Variants in CNTNAP2 observed in about 807,000 individuals in gnomAD.
CNTNAP2 encodes contactin-associated protein-like 2.
In CNTNAP2, 98 loss-of-function variants were observed where a neutral mutation model predicts 155.2. The ratio of observed to expected loss-of-function variants is 0.63; its 90% CI spans 0.54 to 0.75. The LOEUF (loss-of-function observed/expected upper bound fraction) is 0.75, where lower values mean the gene tolerates loss of function less well. Ranked by LOEUF, CNTNAP2 falls within the 30% of genes least tolerant of loss-of-function variation. CNTNAP2 has a pLI of 0.00. For synonymous variants in CNTNAP2, 651 were observed against 631.2 expected (o/e 1.03, Z -0.47); for missense variants, 1,727 against 1,688.1 (o/e 1.02, Z -0.40).
chr7:147,110,266 A>G lies in CNTNAP2; in HGVS notation c.754+1916A>G, dbSNP rs1220152702. 5.3e-5 allele frequency among the ~76,000 whole-genome samples: 8 copies of G among 152,112 alleles called. 1 individual carries two copies. The South Asian group carries it at 8.3e-4, about 16-fold the overall frequency. ...AAGACCAATGTATGTTTGTATGTTGATGATGTAGCTAGGATTTACTTAAAG... is the reference window on the plus strand; with the variant it reads ...AAGACCAATGTATGTTTGTATGTTGGTGATGTAGCTAGGATTTACTTAAAG... On this transcript the variant is annotated intron_variant, in intron 5 of 23. Transcript: ENST00000361727.
chr7:146,309,474 A>G (rs1800780753), intron 1 of CNTNAP2, among the ~76,000 whole-genome samples: 1 of 152,070 alleles, frequency 6.6e-6, no homozygotes, highest in South Asian at 2.1e-4. Context: ...GCCTTCTCAT[A>G]TTCACACTAA....
intron 1 of CNTNAP2, among the ~76,000 whole-genome samples, chr7:146,338,078 G>T (rs1469507625): frequency 6.6e-6 from 1 of 152,172 alleles, no homozygotes; most frequent in African/African-American, 2.4e-5. Context: ...AGATGAGAGA[G>T]AGGAGAGAGG....
intron 1 of CNTNAP2, among the ~76,000 whole-genome samples, chr7:146,760,409 C>CTTTTTTTTTTTTTTTGTT (rs1802074596): frequency 1.8e-5 from 1 of 56,276 alleles, no homozygotes; most frequent in Non-Finnish European, 3.0e-5. Flanking sequence ...TCCAATTTAC[C>CTTTTTTTTTTTTTTTGTT]TTTTTTTTTT....
chr7:148,119,829 A>G (rs1289957348), intron 16 of CNTNAP2, among the ~76,000 whole-genome samples: 2 of 152,084 alleles, frequency 1.3e-5, no homozygotes, highest in East Asian at 3.9e-4. Flanking sequence ...TGTAATTATC[A>G]TCTTCTGAGG....
rs1337751529 is a variant in CNTNAP2 at position 146,934,440 on chromosome 7, G to T, written c.402+94536G>T. Among the ~76,000 whole-genome samples the T allele has an allele frequency of 2.8e-4, 36 of 129,214 alleles. No individual in the cohort carries two copies. In the Middle Eastern group the frequency reaches 0.018, roughly 63 times the overall value. 84.8% of individuals were successfully genotyped at this position (129,214 alleles called of 152,430 possible). A position where few individuals can be genotyped will look rare whatever the true frequency, so the allele number is the denominator to read the frequency against. On this transcript the variant is annotated intron_variant, in intron 3 of 23. Transcript: ENST00000361727. Reference sequence around the variant, plus strand: ...GGACCATCACACTCCGTGGCCTGTTGTGGGGTGGGGGGAGGGGGAAGGGGG... The same window carrying T: ...GGACCATCACACTCCGTGGCCTGTTTTGGGGTGGGGGGAGGGGGAAGGGGG...
At chr7:146,960,530 C>G (rs369697187) in intron 3 of CNTNAP2, among the ~76,000 whole-genome samples, 57 of 152,250 alleles carry the variant, frequency 3.7e-4, no homozygotes, top group Middle Eastern at 3.4e-3. Context: ...AAAAATTACT[C>G]TTTCTCCTGC....
At chr7:146,431,175 A>G (rs1796168203) in intron 1 of CNTNAP2, among the ~76,000 whole-genome samples, 1 of 152,008 alleles carries the variant, frequency 6.6e-6, no homozygotes, top group Non-Finnish European at 1.5e-5. Flanking sequence ...CAGGTAATAC[A>G]TATATTCTAG....
At chr7:147,406,641 T>C (rs1374564788) in intron 10 of CNTNAP2, among the ~76,000 whole-genome samples, 2 of 152,196 alleles carry the variant, frequency 1.3e-5, no homozygotes, top group African/African-American at 4.8e-5. Flanking sequence ...TATGAATTCA[T>C]TGAGGAATAT....
chr7:148,285,290 G>T (rs1233297921), intron 21 of CNTNAP2, among the ~76,000 whole-genome samples: 1 of 152,196 alleles, frequency 6.6e-6, no homozygotes, highest in Non-Finnish European at 1.5e-5. Flanking sequence ...TCTTCTAAAA[G>T]AAGTGTTTAA....
chr7:147,490,067 A>T (rs1348756472), intron 11 of CNTNAP2, among the ~76,000 whole-genome samples: 3 of 152,250 alleles, frequency 2.0e-5, no homozygotes, highest in African/African-American at 7.2e-5. Flanking sequence ...AAGCAATGTT[A>T]GCCTTGGAAA....
chr7:147,335,343 G>C (rs1795646678), intron 9 of CNTNAP2, among the ~76,000 whole-genome samples: 1 of 152,152 alleles, frequency 6.6e-6, no homozygotes, highest in Non-Finnish European at 1.5e-5. Flanking sequence ...TGCAAATAAA[G>C]AGAATAGCCT....
chr7:146,709,904 G>A (rs1801034000), intron 1 of CNTNAP2, among the ~76,000 whole-genome samples: 1 of 152,162 alleles, frequency 6.6e-6, no homozygotes, highest in African/African-American at 2.4e-5. Flanking sequence ...TGGAAACACA[G>A]GCTGGCTCTG....
At chr7:148,295,111 C>T (rs889789932) in intron 21 of CNTNAP2, among the ~76,000 whole-genome samples, 1 of 152,106 alleles carries the variant, frequency 6.6e-6, no homozygotes, top group East Asian at 1.9e-4. Flanking sequence ...AATCCATTAC[C>T]TTTTCATTTA....
At chr7:146,130,997 C>G (rs528386135) in intron 1 of CNTNAP2, among the ~76,000 whole-genome samples, 162 of 152,296 alleles carry the variant, frequency 1.1e-3, no homozygotes, top group African/African-American at 3.8e-3. Flanking sequence ...AAGAGGGTTA[C>G]AATTCAAGAT....
chr7:148,045,340 C>T (rs148387123), intron 15 of CNTNAP2, among the ~76,000 whole-genome samples: 2 of 151,934 alleles, frequency 1.3e-5, no homozygotes, highest in Non-Finnish European at 2.9e-5. Context: ...TGGTGGGGGG[C>T]GTTACAGCAA....
chr7:148,340,979 C>T (rs6955787), intron 21 of CNTNAP2, among the ~76,000 whole-genome samples: 36,734 of 152,166 alleles, frequency 0.24, 4,713 homozygotes, highest in South Asian at 0.32. Flanking sequence ...GAGGTCTAGA[C>T]AGCCTTTGTT....
chr7:147,945,906 G>T (rs1237723790), intron 14 of CNTNAP2, among the ~76,000 whole-genome samples: 4 of 120,752 alleles, frequency 3.3e-5, no homozygotes, highest in Admixed American at 3.3e-4. Flanking sequence ...TTACTCTGTC[G>T]CCCCAGGCTG....
chr7:146,945,111 G>A (rs1797135967), intron 3 of CNTNAP2, among the ~76,000 whole-genome samples: 1 of 152,102 alleles, frequency 6.6e-6, no homozygotes, highest in African/African-American at 2.4e-5. Flanking sequence ...AAAGCCTCTA[G>A]GTTTTATTTC....
At chr7:146,743,247 C>T (rs150386891) in intron 1 of CNTNAP2, among the ~76,000 whole-genome samples, 23 of 152,150 alleles carry the variant, frequency 1.5e-4, no homozygotes, top group African/African-American at 5.1e-4. Context: ...ATGTCAGAGT[C>T]CATAGGAGGT....
Sources: allele counts gnomAD v4.1 joint callset (sites outside exome capture counted in the v4.1 genomes callset), GRCh38; gene constraint gnomAD v4.1.1; transcripts MANE v1.5; gene names NCBI Gene and HGNC (gene_info 2026-07-23, HGNC 2026-07-21).